CARMIL1: variants seen among roughly 807,000 people sequenced by gnomAD.
CARMIL1 encodes F-actin-uncapping protein LRRC16A.
CARMIL1 carries 90 observed loss-of-function variants against 177.1 expected under a neutral mutation model. That is an observed-to-expected ratio of 0.51 (90% CI 0.43 to 0.61). The LOEUF (loss-of-function observed/expected upper bound fraction) is 0.61, where lower values mean the gene tolerates loss of function less well. Among genes scored for constraint, CARMIL1 ranks in the 20% least tolerant of loss-of-function variants. The pLI is 0.00. For synonymous variants in CARMIL1, 577 were observed against 606.2 expected, an observed-to-expected ratio of 0.95 and a Z score of 0.71; for missense variants, 1,380 against 1,667.0, an observed-to-expected ratio of 0.83 and a Z score of 3.00.
intron 2 of CARMIL1, among the ~76,000 whole-genome samples, chr6:25,289,208 C>T (rs943450862): frequency 6.6e-6 from 1 of 152,234 alleles, no homozygotes; most frequent in East Asian, 1.9e-4. Flanking sequence ...GCTACGTTGG[C>T]TTGACATGTC....
intron 2 of CARMIL1, among the ~76,000 whole-genome samples, chr6:25,292,796 G>A (rs1192987532): frequency 1.3e-5 from 2 of 152,152 alleles, no homozygotes; most frequent in Non-Finnish European, 2.9e-5. Context: ...CCCTGGAGAG[G>A]GGAGGAAGGT....
chr6:25,290,369 CTTTTTTTT>C (rs910242856), intron 2 of CARMIL1, among the ~76,000 whole-genome samples: 4 of 95,358 alleles, frequency 4.2e-5, no homozygotes, highest in African/African-American at 7.9e-5. Context: ...TGCTGGGATT[CTTTTTTTT>C]TTTTTTTTTT....
chr6:25,540,137 C>T, intron 26 of CARMIL1, 59 bp downstream of exon 26: 1 of 1,434,862 alleles, frequency 7.0e-7, no homozygotes, highest in African/African-American at 1.4e-5. Context: ...CGCATGATAG[C>T]ATTTCATTCC....
At chr6:25,309,766 C>CT (rs34514583) in intron 2 of CARMIL1, among the ~76,000 whole-genome samples, 4,568 of 116,690 alleles carry the variant, frequency 0.039, 243 homozygotes, top group African/African-American at 0.11. Flanking sequence ...TATACCACAT[C>CT]TTTTTTTTTT....
chr6:25,298,363 C>T (rs966010979), intron 2 of CARMIL1, among the ~76,000 whole-genome samples: 14 of 152,150 alleles, frequency 9.2e-5, no homozygotes, highest in African/African-American at 3.4e-4. Context: ...TTTCTCTGCT[C>T]AGAGCTATTT....
At chr6:25,608,714 G>T (rs1042373470) in intron 35 of CARMIL1, among the ~76,000 whole-genome samples, 10 of 152,188 alleles carry the variant, frequency 6.6e-5, no homozygotes, top group African/African-American at 2.4e-4. Flanking sequence ...GGTGAAGGTG[G>T]ATAGTGTTAT....
intron 2 of CARMIL1, among the ~76,000 whole-genome samples, chr6:25,370,855 C>T (rs1790339599): frequency 6.6e-6 from 1 of 152,034 alleles, no homozygotes. Flanking sequence ...GATTTTAGTG[C>T]ACCCATCATC....
intron 34 of CARMIL1, 134 bp from the exon 35 acceptor site, chr6:25,605,927 A>G (rs574712439): frequency 6.3e-6 from 4 of 638,290 alleles, no homozygotes; most frequent in Admixed American, 6.0e-5. Flanking sequence ...AGAACAGCAT[A>G]TTCTTAAAAT....
chr6:25,445,660 G>A (rs542394924), intron 5 of CARMIL1, among the ~76,000 whole-genome samples: 8 of 150,798 alleles, frequency 5.3e-5, no homozygotes, highest in African/African-American at 1.2e-4. Flanking sequence ...TCAGCCTTCC[G>A]AGTAACTGGG....
intron 2 of CARMIL1, among the ~76,000 whole-genome samples, chr6:25,310,145 A>C (rs1217607674): frequency 6.6e-6 from 1 of 152,098 alleles, no homozygotes; most frequent in Non-Finnish European, 1.5e-5. Context: ...TAATGCTCTT[A>C]TGAGCGTGCA....
At chr6:25,407,730 T>A (rs144356166) in intron 2 of CARMIL1, among the ~76,000 whole-genome samples, 26 of 152,242 alleles carry the variant, frequency 1.7e-4, no homozygotes, top group African/African-American at 5.8e-4. Flanking sequence ...CATTAACACA[T>A]GGAGGAATGA....
chr6:25,600,174 G>T (rs576141543), intron 32 of CARMIL1, 140 bp from the exon 33 acceptor site: 1 of 712,746 alleles, frequency 1.4e-6, no homozygotes. Flanking sequence ...TCCTAAGGGC[G>T]GTAACTCAAA....
intron 33 of CARMIL1, among the ~76,000 whole-genome samples, chr6:25,603,193 T>A (rs1815605151): frequency 6.6e-6 from 1 of 152,180 alleles, no homozygotes; most frequent in South Asian, 2.1e-4. Context: ...AAGGGAAGGA[T>A]GTGAAAGGGG....
At chr6:25,571,853 A>T (rs1238712983) in intron 29 of CARMIL1, among the ~76,000 whole-genome samples, 6 of 152,222 alleles carry the variant, frequency 3.9e-5, no homozygotes, top group Non-Finnish European at 8.8e-5. Flanking sequence ...CAAGAAAGTC[A>T]CTATTATGAA....
chr6:25,420,637 A>G (rs916773451), intron 3 of CARMIL1, among the ~76,000 whole-genome samples: 5 of 152,182 alleles, frequency 3.3e-5, no homozygotes, highest in African/African-American at 1.2e-4. Context: ...CAAAGAATAC[A>G]CTACCAGAAA....
At chr6:25,501,998 A>AG (rs1804412469) in intron 17 of CARMIL1, among the ~76,000 whole-genome samples, 1 of 151,038 alleles carries the variant, frequency 6.6e-6, no homozygotes, top group African/African-American at 2.4e-5. Context: ...ATTGTAAAAA[A>AG]AAAAAAAAAA....
At chr6:25,480,782 G>A (rs1396462117) in intron 11 of CARMIL1, among the ~76,000 whole-genome samples, 3 of 137,460 alleles carry the variant, frequency 2.2e-5, no homozygotes, top group African/African-American at 8.2e-5. Context: ...CCAGGCTGGC[G>A]CGATCTCGGC....
intron 2 of CARMIL1, among the ~76,000 whole-genome samples, chr6:25,414,309 T>C (rs9366622): frequency 0.82 from 124,963 of 152,142 alleles, 52,077 homozygotes; most frequent in East Asian, 0.97. Context: ...GTCCCAGTTT[T>C]CTGGGATGCA....
chr6:25,415,843 T>G (rs1795308803), intron 2 of CARMIL1, among the ~76,000 whole-genome samples: 1 of 151,948 alleles, frequency 6.6e-6, no homozygotes, highest in Non-Finnish European at 1.5e-5. Context: ...AGTTCTCAAG[T>G]GATTCTCATG....
Sources: allele counts gnomAD v4.1 joint callset (sites outside exome capture counted in the v4.1 genomes callset), GRCh38; gene constraint gnomAD v4.1.1; transcripts MANE v1.5; gene names NCBI Gene and HGNC (gene_info 2026-07-23, HGNC 2026-07-21).